STAB2: variants seen among roughly 807,000 people sequenced by gnomAD.
The protein encoded by STAB2 is stabilin 2.
In STAB2, 288 loss-of-function variants were observed where a neutral mutation model predicts 338.1. That is an observed-to-expected ratio of 0.85 (90% CI 0.77 to 0.94). STAB2 has a LOEUF of 0.94. Among genes scored for constraint, STAB2 ranks in the 40% least tolerant of loss-of-function variants. The probability of loss-of-function intolerance (pLI) is 0.00; values close to 1 mark genes in which losing one functional copy is unlikely to be tolerated. For synonymous variants in STAB2, 1,202 were observed against 1,193.3 expected (o/e 1.01, Z -0.15); for missense variants, 3,141 against 3,210.1 (o/e 0.98, Z 0.52).
chr12:103,612,719 T>C (rs564886895), intron 3 of STAB2, among the ~76,000 whole-genome samples: 67 of 152,330 alleles, frequency 4.4e-4, no homozygotes, highest in African/African-American at 1.6e-3. Flanking sequence ...CTTTGTTCCA[T>C]TGCTGGTGAG....
At chr12:103,694,995 T>G (rs1878276045) in intron 31 of STAB2, among the ~76,000 whole-genome samples, 1 of 144,404 alleles carries the variant, frequency 6.9e-6, no homozygotes, top group South Asian at 2.1e-4. Context: ...TCAGACTGAT[T>G]TTTTTTAAAG....
chr12:103,761,274 C>A (rs1218881712), intron 65 of STAB2, 26 bp from the exon 66 acceptor site: 1 of 1,605,168 alleles, frequency 6.2e-7, no homozygotes, highest in East Asian at 2.2e-5. Context: ...GAGTAAAAGC[C>A]ATCAACCCTC....
rs1402497083 is a variant in STAB2, at chr12:103,706,661, C to G, written c.3997-131C>G. On this transcript the variant is annotated intron_variant, in intron 37 of 68. Coordinates refer to ENST00000388887, the MANE Select transcript of STAB2 (RefSeq NM_017564.10). Reference sequence around the variant, plus strand: ...CAGTCCCCAGAGGGTCCTGCCCCCACCCCTCACCCACTCCATGTGAGGTCG... The same window carrying G: ...CAGTCCCCAGAGGGTCCTGCCCCCAGCCCTCACCCACTCCATGTGAGGTCG... The G allele has an allele frequency of 4.1e-6, 5 of 1,233,732 alleles. No homozygotes were observed. In the African/African-American group the frequency reaches 7.4e-5, roughly 18 times the overall value. 76.4% of individuals were successfully genotyped at this position (1,233,732 alleles called of 1,614,324 possible). A position where few individuals can be genotyped will look rare whatever the true frequency, so the allele number is the denominator to read the frequency against.
chr12:103,670,592 T>C (rs544348920), intron 21 of STAB2, 104 bp from the exon 22 acceptor site: 13 of 881,890 alleles, frequency 1.5e-5, no homozygotes, highest in Non-Finnish European at 2.2e-5. Context: ...CAGAGGGTCA[T>C]GTCAAGTGGG....
At chr12:103,636,610 C>T (rs1957552258) in intron 6 of STAB2, among the ~76,000 whole-genome samples, 2 of 152,062 alleles carry the variant, frequency 1.3e-5, no homozygotes, top group African/African-American at 2.4e-5. Context: ...CTGGCTGCTG[C>T]CCCTGCTGTA....
chr12:103,757,040 ATATT>A (rs1418847634), intron 63 of STAB2, among the ~76,000 whole-genome samples: 2 of 145,238 alleles, frequency 1.4e-5, no homozygotes, highest in Non-Finnish European at 3.0e-5. Context: ...TAAAATATAT[ATATT>A]AAAGTATGTA....
At chr12:103,737,578 C>CTCTT in intron 52 of STAB2, 56 bp from the exon 53 acceptor site, 1 of 766,066 alleles carries the variant, frequency 1.3e-6, no homozygotes, top group Non-Finnish European at 1.8e-6. Context: ...GACTGTTTCT[C>CTCTT]TCTCTCTCTC....
At chr12:103,680,332 G>T (rs1277391621) in intron 25 of STAB2, among the ~76,000 whole-genome samples, 1 of 152,116 alleles carries the variant, frequency 6.6e-6, no homozygotes, top group African/African-American at 2.4e-5. Context: ...AAAAAAACTG[G>T]TTTAAAAAGA....
At chr12:103,620,917 T>C (rs1390766708) in intron 4 of STAB2, among the ~76,000 whole-genome samples, 1 of 152,004 alleles carries the variant, frequency 6.6e-6, no homozygotes, top group Non-Finnish European at 1.5e-5. Flanking sequence ...GCCAGCATGG[T>C]GAAACCCCGT....
Position 103,745,206 on chromosome 12 carries a change from A to G in STAB2, c.6065A>G (p.Asp2022Gly), listed in dbSNP as rs1882927446. The G allele has an allele frequency of 1.2e-6, 2 of 1,613,952 alleles. No homozygotes were observed. The highest frequency in any genetic ancestry group is 2.7e-5 in the African/African-American group (2 of 74,940). ...CGCSDHGQCD[D>G]GITGSGQCLC... ...TGCTCAGACCACGGACAGTGCGATG[A>G]TGGCATCACGGGCTCCGGGCAGTGC... Residue 2022 changes from aspartate (D) to glycine (G), a missense_variant, in exon 57 of 69, where the codon GAT becomes GGT. By Grantham distance (94) the Asp-to-Gly change is moderately conservative. Coordinates refer to ENST00000388887, the MANE Select transcript of STAB2 (RefSeq NM_017564.10).
At chr12:103,700,184 A>G (rs1240068751) in intron 34 of STAB2, among the ~76,000 whole-genome samples, 1 of 152,258 alleles carries the variant, frequency 6.6e-6, no homozygotes, top group African/African-American at 2.4e-5. Flanking sequence ...TATTTCAGTT[A>G]TAAAATTCTA....
At position 103,753,232 on chromosome 12, in the gene STAB2, G is replaced by C; in HGVS notation, c.6593G>C (p.Gly2198Ala). 1 of 1,614,144 alleles carries C rather than the reference G, an allele frequency of 6.2e-7. No individual in the cohort carries two copies. Among genetic ancestry groups the C allele is most frequent in the Non-Finnish European group, 8.5e-7 (1 of 1,180,014 alleles). Residue 2198 changes from glycine (G) to alanine (A), a missense_variant, in exon 61 of 69, where the codon GGG (glycine) becomes GCG (alanine). Transcript: ENST00000388887. ...CTTCCTCATCCAGATACCACTGTTG[G>C]GGTGTTCCATCTACGCTCCCCACTG... is the stretch of plus-strand genomic sequence containing the variant. ...VDLHFQDTTV[G>A]VFHLRSPLGQ...
intron 13 of STAB2, 107 bp from the exon 14 acceptor site, chr12:103,655,143 TC>T (rs1376766997): frequency 2.8e-6 from 3 of 1,060,748 alleles, no homozygotes; most frequent in African/African-American, 3.2e-5. Flanking sequence ...TTTATATAAA[TC>T]CATACTGACA....
In STAB2 at chr12:103,637,207, A is replaced by G. The variant is rs1372101903; in HGVS notation, c.680A>G (p.Asn227Ser). 2 of 1,612,326 alleles carry G rather than the reference A, an allele frequency of 1.2e-6. No homozygotes were observed. The highest frequency in any genetic ancestry group is 1.1e-5 in the South Asian group (1 of 90,714). The change falls in exon 7 of 69, where the codon AAT (asparagine) becomes AGT (serine). Residue 227 changes from asparagine (N) to serine (S), a missense_variant. Physicochemically the swap from Asn to Ser is conservative, Grantham distance 46. Transcript: ENST00000388887. ...AAACTGGAATGCAAATGCCTTCCCA[A>G]TTACCGAGGCGATGGCAAATACTGC... ...ENKLECKCLP[N>S]YRGDGKYCDP... is the part of the protein sequence containing the mutation.
chr12:103,717,905 T>G, intron 44 of STAB2, 64 bp downstream of exon 44: 1 of 1,551,576 alleles, frequency 6.4e-7, no homozygotes, highest in Non-Finnish European at 8.9e-7. Context: ...CCCACCCCAC[T>G]TCTCGGGGAT....
At chr12:103,718,009 GAA>G (rs1173168833) in intron 44 of STAB2, among the ~76,000 whole-genome samples, 168 bp downstream of exon 44, 3 of 152,126 alleles carry the variant, frequency 2.0e-5, no homozygotes, top group African/African-American at 7.2e-5. Flanking sequence ...ATGTTGGGGA[GAA>G]AAGAGAGAAG....
chr12:103,705,418 G>A (rs1326952197), intron 36 of STAB2, among the ~76,000 whole-genome samples: 1 of 152,190 alleles, frequency 6.6e-6, no homozygotes, highest in Non-Finnish European at 1.5e-5. Flanking sequence ...CTACTTTAAA[G>A]TATAATTATT....
At chr12:103,635,718 C>T (rs761814465) in intron 6 of STAB2, among the ~76,000 whole-genome samples, 6 of 152,254 alleles carry the variant, frequency 3.9e-5, no homozygotes, top group Admixed American at 1.3e-4. Flanking sequence ...GCCTGAACCA[C>T]ACACAGAGGT....
chr12:103,691,909 A>G (rs1026852150), intron 30 of STAB2, among the ~76,000 whole-genome samples: 19 of 3,534 alleles, frequency 5.4e-3, no homozygotes, highest in African/African-American at 0.031. Flanking sequence ...TTGGTGGCTG[A>G]GTGGGTGGGT....
Sources: allele counts gnomAD v4.1 joint callset (sites outside exome capture counted in the v4.1 genomes callset), GRCh38; gene constraint gnomAD v4.1.1; transcripts MANE v1.5; gene names NCBI Gene and HGNC (gene_info 2026-07-23, HGNC 2026-07-21).